TENM2: variants seen among roughly 807,000 people sequenced by gnomAD.
TENM2 encodes teneurin transmembrane protein 2, also known as teneurin-2.
A neutral mutation model predicts 245.2 loss-of-function variants in TENM2; 52 were observed. The observed-to-expected ratio is 0.21, with a 90% CI of 0.17 to 0.27. The LOEUF is 0.27. Ranked by LOEUF, TENM2 falls within the 10% of genes least tolerant of loss-of-function variation. TENM2 has a pLI of 1.00. For missense variants in TENM2, 3,046 were observed against 3,666.8 expected (o/e 0.83, Z 4.37); for synonymous variants, 1,363 against 1,438.9 (o/e 0.95, Z 1.19).
chr5:167,335,920 T>TG (rs1486917903), intron 1 of TENM2, among the ~76,000 whole-genome samples: 3 of 152,190 alleles, frequency 2.0e-5, no homozygotes, highest in Non-Finnish European at 4.4e-5. Flanking sequence ...TTCAGCACCC[T>TG]GTCAGCAGTC....
intron 5 of TENM2, among the ~76,000 whole-genome samples, chr5:168,040,594 A>G (rs545196073): frequency 6.6e-6 from 1 of 152,344 alleles, no homozygotes; most frequent in South Asian, 2.1e-4. Context: ...AGGTGGTTAG[A>G]AAAGGATTTT....
At chr5:168,009,113 T>C (rs1785038044) in intron 5 of TENM2, among the ~76,000 whole-genome samples, 1 of 152,172 alleles carries the variant, frequency 6.6e-6, no homozygotes, top group East Asian at 1.9e-4. Flanking sequence ...AGAAGAGTCA[T>C]TGGAATATAC....
intron 2 of TENM2, among the ~76,000 whole-genome samples, chr5:167,808,513 G>A (rs1766398617): frequency 6.6e-6 from 1 of 152,152 alleles, no homozygotes; most frequent in South Asian, 2.1e-4. Flanking sequence ...GCCTACCTCA[G>A]TCTCCCAAAA....
At position 168,233,928 on chromosome 5, in the gene TENM2, G is replaced by A. The variant is rs559587727; in HGVS notation, c.5520+5798G>A. On this transcript the variant is annotated intron_variant, in intron 25 of 28. Transcript: ENST00000518659. ...TCACTAGAATAGCACGGGAAAGATC[G>A]GCCCCCAGGATTCAATTACCTCCCC... Among the ~76,000 whole-genome samples the A allele has an allele frequency of 7.2e-5, 11 of 152,136 alleles. No individual in the cohort carries two copies. The South Asian group carries it at 1.9e-3, about 26-fold the overall frequency.
At chr5:167,543,336 A>G (rs986477997) in intron 2 of TENM2, among the ~76,000 whole-genome samples, 1 of 152,136 alleles carries the variant, frequency 6.6e-6, no homozygotes, top group Non-Finnish European at 1.5e-5. Context: ...GTCAAAGCAA[A>G]TCACAAGGAC....
the TENM2 span, among the ~76,000 whole-genome samples, chr5:167,226,942 ATGTATATATATGTG>A: frequency 6.6e-6 from 1 of 152,014 alleles, no homozygotes; most frequent in South Asian, 2.1e-4. Flanking sequence ...CACCATATAT[ATGTATATATATGTG>A]TGTATATATA....
chr5:168,178,749 A>G (rs1189628567), intron 13 of TENM2, among the ~76,000 whole-genome samples: 1 of 152,250 alleles, frequency 6.6e-6, no homozygotes, highest in African/African-American at 2.4e-5. Context: ...GGGTACCTAT[A>G]TATGGCTGTG....
At chr5:167,034,497 G>A in the TENM2 span, among the ~76,000 whole-genome samples, 3 of 151,848 alleles carry the variant, frequency 2.0e-5, no homozygotes, top group South Asian at 6.2e-4. Flanking sequence ...GGGCGTGGTG[G>A]CGGGCGCCTG....
chr5:168,240,093 C>G (rs2152675683), intron 25 of TENM2, among the ~76,000 whole-genome samples: 1 of 152,252 alleles, frequency 6.6e-6, no homozygotes, highest in Non-Finnish European at 1.5e-5. Flanking sequence ...GGTGGTGCAC[C>G]TCTGTAGTCC....
At chr5:167,448,660 A>C (rs1765376050) in intron 2 of TENM2, among the ~76,000 whole-genome samples, 1 of 151,640 alleles carries the variant, frequency 6.6e-6, no homozygotes, top group South Asian at 2.1e-4. Context: ...AATACATACT[A>C]TGTTAGAATG....
intron 3 of TENM2, among the ~76,000 whole-genome samples, chr5:167,930,759 ATT>A (rs564465023): frequency 1.3e-4 from 19 of 145,696 alleles, no homozygotes; most frequent in East Asian, 4.0e-4. Flanking sequence ...AAAGAAGAGA[ATT>A]TTTTTTTTTT....
intron 13 of TENM2, among the ~76,000 whole-genome samples, chr5:168,174,669 GA>G (rs1453439210): frequency 1.3e-5 from 2 of 152,332 alleles, no homozygotes; most frequent in East Asian, 3.9e-4. Context: ...AGTGCTGGCA[GA>G]GGGATTCCTC....
At chr5:167,231,206 T>C in the TENM2 span, among the ~76,000 whole-genome samples, 1 of 152,182 alleles carries the variant, frequency 6.6e-6, no homozygotes, top group African/African-American at 2.4e-5. Context: ...GTACTGGGAC[T>C]GGAGCACTGC....
At chr5:167,828,647 A>G (rs1227588567) in intron 2 of TENM2, among the ~76,000 whole-genome samples, 1 of 152,190 alleles carries the variant, frequency 6.6e-6, no homozygotes, top group Non-Finnish European at 1.5e-5. Context: ...ACCTACATAG[A>G]CAGATAGACG....
At chr5:167,636,399 T>G (rs2150232936) in intron 2 of TENM2, among the ~76,000 whole-genome samples, 1 of 152,374 alleles carries the variant, frequency 6.6e-6, no homozygotes, top group East Asian at 1.9e-4. Context: ...ATAATTTCCA[T>G]GTTTTACTTC....
intron 1 of TENM2, among the ~76,000 whole-genome samples, chr5:167,311,086 C>T (rs373504096): frequency 8.5e-5 from 13 of 152,298 alleles, no homozygotes; most frequent in African/African-American, 3.1e-4. Context: ...TAGCACTTGG[C>T]TTGGTCCAGG....
At chr5:168,135,427 C>T (rs1754962497) in intron 12 of TENM2, among the ~76,000 whole-genome samples, 1 of 152,118 alleles carries the variant, frequency 6.6e-6, no homozygotes. Context: ...CTGTTATTGC[C>T]TTTGGAAAAT....
intron 5 of TENM2, among the ~76,000 whole-genome samples, chr5:168,003,681 G>A (rs773109090): frequency 1.8e-4 from 27 of 152,090 alleles, no homozygotes; most frequent in East Asian, 3.8e-4. Flanking sequence ...GTGCTGTTTC[G>A]CCACCTCATC....
intron 2 of TENM2, among the ~76,000 whole-genome samples, chr5:167,447,618 G>GAGT (rs1765309932): frequency 6.6e-6 from 1 of 152,158 alleles, no homozygotes; most frequent in Admixed American, 6.5e-5. Context: ...CAAACCTGAA[G>GAGT]AGTAACACCT....
Sources: gnomAD v4.1 joint callset for allele counts (sites outside exome capture counted in the v4.1 genomes callset) on GRCh38, gnomAD v4.1.1 for gene constraint, MANE v1.5 for transcripts, NCBI Gene and HGNC (gene_info 2026-07-23, HGNC 2026-07-21) for gene names.